The following CDK13 variants were observed in gnomAD, a reference collection of about 807,000 sequenced individuals.
The protein encoded by CDK13 is cyclin dependent kinase 13.
A neutral mutation model predicts 137.6 loss-of-function variants in CDK13; 40 were observed. The observed-to-expected ratio is 0.29, with a 90% CI of 0.23 to 0.38. CDK13 has a LOEUF of 0.38. Ranked by LOEUF, CDK13 falls within the 10% of genes least tolerant of loss-of-function variation. The pLI, the probability that CDK13 is intolerant of heterozygous loss-of-function variation, is 1.00. For synonymous variants in CDK13, 869 were observed against 760.1 expected, an observed-to-expected ratio of 1.14 and a Z score of -2.36; for missense variants, 1,704 against 1,951.8, an observed-to-expected ratio of 0.87 and a Z score of 2.39.
At chr7:39,988,719 C>T (rs767537201) in intron 2 of CDK13, among the ~76,000 whole-genome samples, 1 of 152,056 alleles carries the variant, frequency 6.6e-6, no homozygotes, top group Non-Finnish European at 1.5e-5. Context: ...CTTTTCTTAA[C>T]TCTTTTAATT....
intron 12 of CDK13, among the ~76,000 whole-genome samples, chr7:40,089,030 G>A (rs1786854361): frequency 6.6e-6 from 1 of 152,094 alleles, no homozygotes; most frequent in East Asian, 1.9e-4. Context: ...AGTGAGCCGA[G>A]ATTGCGCCAC....
intron 12 of CDK13, chr7:40,092,110 A>T (rs1437800137): frequency 5.7e-5 from 4 of 69,574 alleles, no homozygotes; most frequent in Non-Finnish European, 7.4e-5. Context: ...CCAAAGTTAC[A>T]AAAAAAAAAA....
At chr7:40,068,194 A>G (rs1436465664) in intron 9 of CDK13, among the ~76,000 whole-genome samples, 2 of 152,184 alleles carry the variant, frequency 1.3e-5, no homozygotes, top group Non-Finnish European at 2.9e-5. Context: ...ACCTGCAGAA[A>G]AATGATGGGA....
intron 12 of CDK13, among the ~76,000 whole-genome samples, chr7:40,091,302 C>T (rs974380080): frequency 5.3e-5 from 8 of 151,914 alleles, no homozygotes; most frequent in African/African-American, 9.7e-5. Flanking sequence ...GAGCCGAGAT[C>T]GTGCCACTGC....
intron 9 of CDK13, chr7:40,073,640 G>T (rs1489942176): frequency 1.3e-5 from 2 of 149,654 alleles, no homozygotes; most frequent in Non-Finnish European, 1.5e-5. Context: ...TTGCCAGGCT[G>T]GAGTGCAGTG....
chr7:39,999,369 G>T lies in CDK13; in HGVS notation c.2051G>T (p.Gly684Val), dbSNP rs2116317374. The change falls in exon 4 of 14, where the codon GGG becomes GTG. Residue 684 changes from glycine to valine, a missense_variant. Coordinates refer to ENST00000181839, the MANE Select transcript of CDK13 (RefSeq NM_003718.5). ...AGAACTATATTTGATAGAATATGTG[G>T]GCCTCGCTATGGTGAAACCAAAGAA... ...LHSKRRPKIC[G>V]PRYGETKEKD... 5 of 1,608,574 alleles carry T rather than the reference G, an allele frequency of 3.1e-6. No homozygotes were observed. Among genetic ancestry groups the T allele is most frequent in the South Asian group, 1.1e-5 (1 of 90,032 alleles).
chr7:39,987,766 G>A lies in CDK13; in HGVS notation c.1379G>A (p.Arg460Gln), dbSNP rs762410224. The change falls in exon 2 of 14, where the codon CGA (arginine) becomes CAA (glutamine). Residue 460 changes from arginine (R) to glutamine (Q), a missense_variant. Physicochemically the swap from Arg to Gln is conservative, Grantham distance 43 (BLOSUM62 1). Around this residue, in one of 5 missense-constraint regions of CDK13, gnomAD observed 1,051 missense variants for 931.0 expected, o/e 1.13. Transcript: ENST00000181839. ...AAELNKNKKA[R>Q]AAEAARAAEA... ...GAATTGAACAAGAATAAAAAAGCAC[G>A]AGCAGCAGAGGCAGCAAGAGCCGCA... The A allele has an allele frequency of 6.2e-7, 1 of 1,614,006 alleles. No homozygotes were observed. Among genetic ancestry groups the A allele is most frequent in the Non-Finnish European group, 8.5e-7 (1 of 1,180,008 alleles).
At chr7:39,968,012 C>T (rs1055824520) in intron 1 of CDK13, among the ~76,000 whole-genome samples, 1 of 152,174 alleles carries the variant, frequency 6.6e-6, no homozygotes, top group Admixed American at 6.5e-5. Flanking sequence ...GATTCAAGCA[C>T]TAATCACCAA....
Position 39,950,290 on chromosome 7 carries a change from G to T in CDK13, c.-352G>T, listed in dbSNP as rs1016002909. 1.9e-6 allele frequency: 2 copies of T among 1,077,872 alleles called. No individual in the cohort carries two copies. The highest frequency in any genetic ancestry group is 1.6e-5 in the African/African-American group (1 of 60,674). 66.8% of individuals were successfully genotyped at this position (1,077,872 alleles called of 1,614,324 possible). On this transcript the variant is annotated 5_prime_UTR_variant, in exon 1 of 14. Coordinates refer to ENST00000181839, the MANE Select transcript of CDK13 (RefSeq NM_003718.5). ...TTGCGCTGCCCGAGCCGAGAGCGCG[G>T]CCAAGGCCGCTCCCCCACCCCCGGG...
At chr7:39,986,843 A>C (rs561970588) in intron 1 of CDK13, 15 of 152,276 alleles carry the variant, frequency 9.9e-5, no homozygotes, top group African/African-American at 3.6e-4. Flanking sequence ...GTGTGAATGT[A>C]ATTTTTTAAT....
intron 5 of CDK13, among the ~76,000 whole-genome samples, chr7:40,035,904 G>A (rs575993696): frequency 5.3e-5 from 8 of 151,816 alleles, no homozygotes; most frequent in East Asian, 1.9e-4. Flanking sequence ...GCTTCCACCC[G>A]TAATCCAGCA....
chr7:40,019,732 A>G (rs1291025893), intron 5 of CDK13, among the ~76,000 whole-genome samples: 2 of 152,198 alleles, frequency 1.3e-5, no homozygotes, highest in African/African-American at 2.4e-5. Context: ...TTCAAACTGT[A>G]ACAAGTTGAT....
intron 7 of CDK13, among the ~76,000 whole-genome samples, chr7:40,053,801 TTAAC>T (rs1179599400): frequency 2.0e-5 from 3 of 151,950 alleles, no homozygotes; most frequent in East Asian, 1.9e-4. Context: ...AAGAACAAAC[TTAAC>T]TAACGTTTGT....
At chr7:40,068,258 G>A (rs1244444313) in intron 9 of CDK13, among the ~76,000 whole-genome samples, 2 of 151,626 alleles carry the variant, frequency 1.3e-5, no homozygotes, top group East Asian at 3.9e-4. Context: ...TGACATTTGA[G>A]CAGAGATCTG....
intron 5 of CDK13, among the ~76,000 whole-genome samples, chr7:40,017,761 G>A (rs1410264452): frequency 2.0e-5 from 3 of 150,966 alleles, no homozygotes; most frequent in Non-Finnish European, 4.4e-5. Context: ...TGGAAGGGTG[G>A]TTTCTCTCAT....
chr7:39,983,464 C>T (rs982422419), intron 1 of CDK13, among the ~76,000 whole-genome samples: 3 of 152,312 alleles, frequency 2.0e-5, no homozygotes, highest in Admixed American at 1.3e-4. Flanking sequence ...GAGTCTTTAT[C>T]TCTGTTATTC....
At chr7:40,053,088 C>T (rs1156481428) in intron 7 of CDK13, among the ~76,000 whole-genome samples, 1 of 152,186 alleles carries the variant, frequency 6.6e-6, no homozygotes. Context: ...CTCCCTTCAA[C>T]TCTAATGGAG....
chr7:40,087,891 ATTAT>A (rs1420634930), intron 11 of CDK13, among the ~76,000 whole-genome samples: 2 of 152,042 alleles, frequency 1.3e-5, no homozygotes, highest in Non-Finnish European at 2.9e-5. Flanking sequence ...TTGATAAATG[ATTAT>A]TTATTGATTA....
chr7:40,024,191 A>G (rs572201780), intron 5 of CDK13, among the ~76,000 whole-genome samples: 2 of 152,116 alleles, frequency 1.3e-5, no homozygotes, highest in South Asian at 2.1e-4. Context: ...TGTATTTTCA[A>G]CTGCTTCCCT....
Sources: gnomAD v4.1 joint callset for allele counts (sites outside exome capture counted in the v4.1 genomes callset) on GRCh38, gnomAD v4.1.1 for gene constraint, gnomAD v4.1.1 regional missense constraint, MANE v1.5 for transcripts, NCBI Gene and HGNC (gene_info 2026-07-23, HGNC 2026-07-21) for gene names.